RBM28: variants seen among roughly 807,000 people sequenced by gnomAD.
RBM28 encodes RNA-binding protein 28.
Under a neutral mutation model 98.3 loss-of-function variants are expected in RBM28, and 78 were observed. The ratio of observed to expected loss-of-function variants is 0.79; its 90% CI spans 0.66 to 0.96. The LOEUF (loss-of-function observed/expected upper bound fraction) is 0.96. Among genes scored for constraint, RBM28 ranks in the 40% least tolerant of loss-of-function variants. The pLI, the probability that RBM28 is intolerant of heterozygous loss-of-function variation, is 0.00. For synonymous variants in RBM28, 306 were observed against 330.9 expected (o/e 0.92, Z 0.82); for missense variants, 838 against 913.0 (o/e 0.92, Z 1.06).
chr7:128,314,248 C>A (rs1796056633), intron 17 of RBM28, among the ~76,000 whole-genome samples: 1 of 152,200 alleles, frequency 6.6e-6, no homozygotes, highest in African/African-American at 2.4e-5. Flanking sequence ...AGGCGTGAGC[C>A]ACCGCGCCCA....
At position 128,338,244 on chromosome 7, in the gene RBM28, G is replaced by C. The variant is rs771499736; in HGVS notation, c.541+6C>G. ...TGGGTCAATGATATGGGTATAGAAA[G>C]CTTACCTTTTATCTCTTTCATGTTC... is the stretch of plus-strand genomic sequence containing the variant. On this transcript the variant is annotated splice_donor_region_variant and intron_variant, in intron 5 of 18. Transcript: ENST00000223073. 6.4e-5 allele frequency: 103 copies of C among 1,609,590 alleles called. 1 individual carries two copies. The South Asian group carries it at 1.1e-3, about 18-fold the overall frequency.
chr7:128,326,456 T>C (rs55913412), intron 10 of RBM28, among the ~76,000 whole-genome samples: 12,626 of 152,280 alleles, frequency 0.083, 669 homozygotes, highest in African/African-American at 0.14. Flanking sequence ...CATTTTACTA[T>C]ACCTTTTCTA....
At chr7:128,324,973 A>G (rs951460265) in intron 11 of RBM28, among the ~76,000 whole-genome samples, 1 of 152,080 alleles carries the variant, frequency 6.6e-6, no homozygotes, top group Non-Finnish European at 1.5e-5. Flanking sequence ...TCGCGCAACT[A>G]CACTCCAGCC....
intron 1 of RBM28, chr7:128,341,239 A>G: frequency 8.2e-7 from 1 of 1,223,988 alleles, no homozygotes; most frequent in Non-Finnish European, 1.1e-6. Context: ...GCAACATAAC[A>G]TCAATTTTTC....
Position 128,307,283 on chromosome 7 carries a change from A to C in RBM28, c.*3514T>G, listed in dbSNP as rs2116309107. The C allele has an allele frequency of 6.6e-6, 1 of 152,354 alleles. No individual in the cohort carries two copies. The highest frequency in any genetic ancestry group is 2.4e-5 in the African/African-American group (1 of 41,578). The allele number at this position is 152,354 out of a possible 1,614,324, so 9.4% of individuals were successfully genotyped here. ...ACAGTGGGTCACATGAATATGAAGC[A>C]GAGAACTGGCTGTGTGCGTCAGCAG... On this transcript the variant is annotated 3_prime_UTR_variant, in exon 19 of 19. Coordinates refer to ENST00000223073, the MANE Select transcript of RBM28 (RefSeq NM_018077.3).
At chr7:128,323,481 T>C in intron 13 of RBM28, 46 bp downstream of exon 13, 1 of 1,606,294 alleles carries the variant, frequency 6.2e-7, no homozygotes, top group Non-Finnish European at 8.5e-7. Flanking sequence ...TTTTGATTGA[T>C]TTATAGGCCA....
At chr7:128,322,325 C>T (rs1250567409) in intron 13 of RBM28, among the ~76,000 whole-genome samples, 4 of 152,208 alleles carry the variant, frequency 2.6e-5, no homozygotes, top group Non-Finnish European at 5.9e-5. Context: ...CCAGTTCCTG[C>T]GTGATCTGTG....
chr7:128,312,316 C>T (rs1375509610), intron 18 of RBM28, among the ~76,000 whole-genome samples: 1 of 152,130 alleles, frequency 6.6e-6, no homozygotes, highest in African/African-American at 2.4e-5. Context: ...ACTCGGGAGG[C>T]TACTCCTGGA....
At chr7:128,341,329 T>C in intron 1 of RBM28, 1 of 441,550 alleles carries the variant, frequency 2.3e-6, no homozygotes, top group South Asian at 2.0e-5. Context: ...TAGCCCTTCA[T>C]GATCAGTACA....
intron 10 of RBM28, among the ~76,000 whole-genome samples, chr7:128,329,230 G>C (rs1796419416): frequency 6.6e-6 from 1 of 152,108 alleles, no homozygotes; most frequent in African/African-American, 2.4e-5. Flanking sequence ...CTCCCGAGTA[G>C]CTGGGATTAC....
Position 128,298,002 on chromosome 7 carries a change from G to A in RBM28, c.*12795C>T, listed in dbSNP as rs1795729661. ...GGGACTATTGAGGGGTGGGGGGAGG[G>A]GGGAGGGATAGCATTGGGAGATATA... is the stretch of plus-strand genomic sequence containing the variant. On this transcript the variant is annotated 3_prime_UTR_variant, in exon 19 of 19. Coordinates refer to ENST00000223073, the MANE Select transcript of RBM28 (RefSeq NM_018077.3). 2 of 110,706 alleles carry A rather than the reference G, an allele frequency of 1.8e-5. No individual in the cohort carries two copies. Among genetic ancestry groups the A allele is most frequent in the South Asian group, 4.4e-4 (1 of 2,266 alleles). The allele number at this position is 110,706 out of a possible 1,614,324, so 6.9% of individuals were successfully genotyped here.
chr7:128,342,869 C>A (rs1796757344), intron 1 of RBM28, among the ~76,000 whole-genome samples: 1 of 152,144 alleles, frequency 6.6e-6, no homozygotes, highest in South Asian at 2.1e-4. Context: ...TCCGGAGAGG[C>A]ATGTGTTCAC....
rs1010117187 is a variant in RBM28, at chr7:128,305,568, C to T, written c.*5229G>A. On this transcript the variant is annotated 3_prime_UTR_variant, in exon 19 of 19. Transcript: ENST00000223073. ...GAACTCCTGGGCTCAAGTGATTCTC[C>T]CACTTTGACCTCTCAAAGTGCTGGG... The T allele has an allele frequency of 1.3e-5, 2 of 152,150 alleles. No individual in the cohort carries two copies. The highest frequency in any genetic ancestry group is 1.3e-4 in the Admixed American group (2 of 15,268). The allele number at this position is 152,150 out of a possible 1,614,324, so 9.4% of individuals were successfully genotyped here. A position where few individuals can be genotyped will look rare whatever the true frequency, so the allele number is the denominator to read the frequency against.
intron 16 of RBM28, among the ~76,000 whole-genome samples, 153 bp downstream of exon 16, chr7:128,317,506 T>C (rs1265623257): frequency 1.3e-5 from 2 of 152,102 alleles, no homozygotes; most frequent in African/African-American, 2.4e-5. Context: ...GATAAGAAGA[T>C]GGCCTGGAGA....
rs1795744227 is a variant in RBM28 at position 128,298,897 on chromosome 7, C to CA, written c.*11899dup. The CA allele has an allele frequency of 6.6e-6, 1 of 151,814 alleles. No homozygotes were observed. Among genetic ancestry groups the CA allele is most frequent in the Non-Finnish European group, 1.5e-5 (1 of 68,054 alleles). The allele number at this position is 151,814 out of a possible 1,614,324, so 9.4% of individuals were successfully genotyped here. A position where few individuals can be genotyped will look rare whatever the true frequency, so the allele number is the denominator to read the frequency against. Reference sequence around the variant, plus strand: ...GCATGGTGGTGTGTGCCTGTAGTCTCAGCTATTTGCAAGGCTGACGTGGGA... The same window carrying CA: ...GCATGGTGGTGTGTGCCTGTAGTCTCAAGCTATTTGCAAGGCTGACGTGGGA... On this transcript the variant is annotated 3_prime_UTR_variant, in exon 19 of 19. Coordinates refer to ENST00000223073, the MANE Select transcript of RBM28 (RefSeq NM_018077.3).
At chr7:128,327,523 G>A (rs940605013) in intron 10 of RBM28, among the ~76,000 whole-genome samples, 25 of 150,128 alleles carry the variant, frequency 1.7e-4, no homozygotes, top group African/African-American at 4.7e-4. Flanking sequence ...TTTTTGAGAC[G>A]GAGTTTCGCT....
rs373595707 is a variant in RBM28, at chr7:128,301,142, C to A, written c.*9655G>T. On this transcript the variant is annotated 3_prime_UTR_variant, in exon 19 of 19. Transcript: ENST00000223073. ...AGCCAATCACCCTGGAAGTGGGCAA[C>A]CAGTCTTTCTCCCCTTTCCTGTGAA... 7 of 152,394 alleles carry A rather than the reference C, an allele frequency of 4.6e-5. No individual in the cohort carries two copies. Among genetic ancestry groups the A allele is most frequent in the African/African-American group, 1.4e-4 (6 of 41,590 alleles). 9.4% of individuals were successfully genotyped at this position (152,394 alleles called of 1,614,324 possible). A position where few individuals can be genotyped will look rare whatever the true frequency, so the allele number is the denominator to read the frequency against.
At chr7:128,317,601 AT>A in intron 16 of RBM28, 57 bp downstream of exon 16, 1 of 1,344,198 alleles carries the variant, frequency 7.4e-7, no homozygotes, top group Non-Finnish European at 1.1e-6. Flanking sequence ...AGAAGCACAA[AT>A]TGAACAAAAT....
chr7:128,327,144 GAAAA>G (rs1796371460), intron 10 of RBM28, among the ~76,000 whole-genome samples: 1 of 126,514 alleles, frequency 7.9e-6, no homozygotes, highest in African/African-American at 3.5e-5. Context: ...AAAAAAGAAA[GAAAA>G]GAAAAGAAAA....
Sources: allele counts gnomAD v4.1 joint callset (sites outside exome capture counted in the v4.1 genomes callset), GRCh38; gene constraint gnomAD v4.1.1; transcripts MANE v1.5; gene names NCBI Gene and HGNC (gene_info 2026-07-23, HGNC 2026-07-21).